Variants in KHDRBS3 observed in about 807,000 individuals in gnomAD.
KHDRBS3 encodes the protein KH domain-containing, RNA-binding, signal transduction-associated protein 3.
A neutral mutation model predicts 45.6 loss-of-function variants in KHDRBS3; 23 were observed. The ratio of observed to expected loss-of-function variants is 0.50; its 90% CI spans 0.36 to 0.72. The LOEUF (loss-of-function observed/expected upper bound fraction) is 0.72. Ranked by LOEUF, KHDRBS3 falls within the 30% of genes least tolerant of loss-of-function variation. The pLI is 0.00. For synonymous variants in KHDRBS3, 162 were observed against 156.5 expected (o/e 1.04, Z -0.26); for missense variants, 352 against 424.8 (o/e 0.83, Z 1.51).
chr8:135,618,412 A>T (rs895327704), intron 7 of KHDRBS3, among the ~76,000 whole-genome samples: 2 of 152,156 alleles, frequency 1.3e-5, no homozygotes, highest in African/African-American at 4.8e-5. Flanking sequence ...GGATGTGTTG[A>T]ATTTAGGTTG....
At chr8:135,521,860 C>A (rs1474293745) in intron 2 of KHDRBS3, among the ~76,000 whole-genome samples, 2 of 151,954 alleles carry the variant, frequency 1.3e-5, no homozygotes, top group Admixed American at 1.3e-4. Flanking sequence ...TGTTGTTTAT[C>A]CATTTGTCTA....
In KHDRBS3 at chr8:135,647,041, C is replaced by T. The variant is rs1210631884; in HGVS notation, c.998C>T (p.Thr333Ile). Residue 333 changes from threonine (T) to isoleucine (I), a missense_variant, in exon 9 of 9, where the codon ACA becomes ATA. Transcript: ENST00000355849. The stretch of plus-strand genomic sequence containing the variant: ...AGACACAAGGCACCTTCAGCGAGGA[C>T]AGCAAAGGGCGTCTACAGAGACCAG... The part of the protein sequence containing the change: ...NSRHKAPSAR[T>I]AKGVYRDQPY... The T allele has an allele frequency of 1.9e-6, 3 of 1,610,738 alleles. No homozygotes were observed. The African/African-American group carries it at 4.0e-5, about 22-fold the overall frequency.
intron 7 of KHDRBS3, among the ~76,000 whole-genome samples, chr8:135,608,701 G>A (rs2094344205): frequency 6.6e-6 from 1 of 152,160 alleles, no homozygotes; most frequent in African/African-American, 2.4e-5. Flanking sequence ...TTTAACGACT[G>A]GGATATGATC....
At chr8:135,593,706 G>A (rs1020102879) in intron 6 of KHDRBS3, among the ~76,000 whole-genome samples, 1 of 152,108 alleles carries the variant, frequency 6.6e-6, no homozygotes, top group African/African-American at 2.4e-5. Flanking sequence ...TCAGACTCCT[G>A]GCCTCAAGCA....
chr8:135,498,411 A>G (rs1042254472), intron 1 of KHDRBS3, among the ~76,000 whole-genome samples: 5 of 152,132 alleles, frequency 3.3e-5, no homozygotes, highest in Admixed American at 2.0e-4. Flanking sequence ...TTTTCAAGAG[A>G]TCTTAGTTTA....
intron 4 of KHDRBS3, among the ~76,000 whole-genome samples, chr8:135,554,892 T>C (rs896812145): frequency 1.3e-5 from 2 of 152,216 alleles, no homozygotes; most frequent in African/African-American, 4.8e-5. Flanking sequence ...ATGTTCTATT[T>C]ACACTCGAAT....
chr8:135,528,457 G>C (rs982074906), intron 2 of KHDRBS3, among the ~76,000 whole-genome samples: 2 of 152,142 alleles, frequency 1.3e-5, no homozygotes, highest in African/African-American at 4.8e-5. Flanking sequence ...TATGTTAAAT[G>C]TTGCCATTTT....
chr8:135,641,262 AAGG>A (rs1240233252), intron 7 of KHDRBS3, among the ~76,000 whole-genome samples: 2 of 152,284 alleles, frequency 1.3e-5, no homozygotes, highest in Admixed American at 6.5e-5. Context: ...TCATTTAATA[AAGG>A]AGGTTTAGTT....
At chr8:135,578,800 T>G (rs1327168371) in intron 5 of KHDRBS3, among the ~76,000 whole-genome samples, 1 of 152,210 alleles carries the variant, frequency 6.6e-6, no homozygotes, top group Non-Finnish European at 1.5e-5. Context: ...ATCTGTAGAT[T>G]AGTTGGGAAG....
chr8:135,478,806 T>G (rs111475530), intron 1 of KHDRBS3, among the ~76,000 whole-genome samples: 19 of 152,140 alleles, frequency 1.2e-4, no homozygotes, highest in African/African-American at 3.9e-4. Flanking sequence ...ATGTCAAAAC[T>G]TAAGAGATAC....
chr8:135,586,113 G>C (rs1035518771), intron 6 of KHDRBS3, among the ~76,000 whole-genome samples: 1 of 152,132 alleles, frequency 6.6e-6, no homozygotes, highest in Non-Finnish European at 1.5e-5. Context: ...TGTAATATTT[G>C]ATGAGAAACT....
chr8:135,554,640 T>C lies in KHDRBS3; in HGVS notation c.472-2808T>C, dbSNP rs1826785064. The stretch of plus-strand genomic sequence containing the variant: ...TCTTAATTTTTCCTGTCAATCACAG[T>C]TACTTGTATTGGTCATTATTTGCCT... On this transcript the variant is annotated intron_variant, in intron 4 of 8. Coordinates refer to ENST00000355849, the MANE Select transcript of KHDRBS3 (RefSeq NM_006558.3). Among the ~76,000 whole-genome samples the C allele has an allele frequency of 2.0e-5, 3 of 152,178 alleles. No individual in the cohort carries two copies. The South Asian group carries it at 6.2e-4, about 32-fold the overall frequency.
At chr8:135,573,399 T>C (rs1827799334) in intron 5 of KHDRBS3, among the ~76,000 whole-genome samples, 1 of 152,234 alleles carries the variant, frequency 6.6e-6, no homozygotes, top group African/African-American at 2.4e-5. Flanking sequence ...CTCCTTCCCT[T>C]ATCTTTCACT....
intron 2 of KHDRBS3, chr8:135,538,744 C>A (rs1014459227): frequency 2.0e-5 from 3 of 152,138 alleles, no homozygotes; most frequent in Non-Finnish European, 2.9e-5. Context: ...GAACCCATAG[C>A]AAGTGGGACA....
chr8:135,584,764 C>T (rs1460366467), intron 6 of KHDRBS3, among the ~76,000 whole-genome samples: 2 of 152,128 alleles, frequency 1.3e-5, no homozygotes, highest in African/African-American at 2.4e-5. Flanking sequence ...CTCCACTGAC[C>T]CAGTTTTCTA....
At position 135,539,534 on chromosome 8, in the gene KHDRBS3, A is replaced by G. The variant is rs1586687232; in HGVS notation, c.208-3120A>G. On this transcript the variant is annotated intron_variant, in intron 2 of 8. Transcript: ENST00000355849. ...TTCAGATAAAATTGTATATATCCAC[A>G]ACAGTTAAATTCATCTATTTATTAC... 2.6e-5 allele frequency: 4 copies of G among 152,372 alleles called. No individual in the cohort carries two copies. In the South Asian group the frequency reaches 8.3e-4, roughly 32 times the overall value. 9.4% of individuals were successfully genotyped at this position (152,372 alleles called of 1,614,324 possible). A position where few individuals can be genotyped will look rare whatever the true frequency, so the allele number is the denominator to read the frequency against.
chr8:135,521,265 C>G lies in KHDRBS3; in HGVS notation c.117C>G (p.Gly39=). 1 of 1,612,374 alleles carries G rather than the reference C, an allele frequency of 6.2e-7. No individual in the cohort carries two copies. The highest frequency in any genetic ancestry group is 8.5e-7 in the Non-Finnish European group (1 of 1,178,594). ...QEIEKFQKGE[G]KDEEKYIDVV... Reference sequence around the variant, plus strand: ...TAGAAAAGTTTCAAAAAGGAGAAGGCAAGGATGAAGAAAAGTACATCGATG... The same window carrying G: ...TAGAAAAGTTTCAAAAAGGAGAAGGGAAGGATGAAGAAAAGTACATCGATG... Residue 39 remains glycine, a synonymous_variant, in exon 2 of 9, where the codon GGC becomes GGG. Coordinates refer to ENST00000355849, the MANE Select transcript of KHDRBS3 (RefSeq NM_006558.3).
chr8:135,577,112 T>A (rs952765651), intron 5 of KHDRBS3, among the ~76,000 whole-genome samples: 2 of 152,072 alleles, frequency 1.3e-5, no homozygotes, highest in Non-Finnish European at 2.9e-5. Flanking sequence ...TTACGGTTTT[T>A]TTTTTCCCTT....
chr8:135,536,683 G>A lies in KHDRBS3; in HGVS notation c.208-5971G>A, dbSNP rs113246619. On this transcript the variant is annotated intron_variant, in intron 2 of 8. Transcript: ENST00000355849. The stretch of plus-strand genomic sequence containing the variant: ...TGGACAGATTTAAGAGATGTTGGCC[G>A]GGCGCGGTGGCTCACGCCTGTAATC... 1.1e-3 allele frequency among the ~76,000 whole-genome samples: 169 copies of A among 152,138 alleles called. 3 individuals carry two copies. The highest frequency in any genetic ancestry group is 3.3e-3 in the African/African-American group (139 of 41,512).
Sources: gnomAD v4.1 joint callset for allele counts (sites outside exome capture counted in the v4.1 genomes callset) on GRCh38, gnomAD v4.1.1 for gene constraint, MANE v1.5 for transcripts, NCBI Gene and HGNC (gene_info 2026-07-23, HGNC 2026-07-21) for gene names.